The following SORBS2 variants were observed in gnomAD, a reference collection of about 807,000 sequenced individuals.
The protein encoded by SORBS2 is sorbin and SH3 domain containing 2.
Under a neutral mutation model 97.7 loss-of-function variants are expected in SORBS2, and 46 were observed. The observed-to-expected ratio is 0.47, with a 90% CI of 0.37 to 0.60. The LOEUF is 0.60. SORBS2 is among the 20% of genes least tolerant of loss of function. The pLI is 0.00. For synonymous variants in SORBS2, 476 were observed against 473.4 expected, an observed-to-expected ratio of 1.01 and a Z score of -0.07; for missense variants, 1,316 against 1,282.3, an observed-to-expected ratio of 1.03 and a Z score of -0.40.
At chr4:185,830,506 A>G (rs1311851723) in intron 1 of SORBS2, among the ~76,000 whole-genome samples, 2 of 152,212 alleles carry the variant, frequency 1.3e-5, no homozygotes, top group African/African-American at 2.4e-5. Context: ...AAGTAGGAGC[A>G]TATCTTTTGT....
rs375949904 is a variant in SORBS2 at position 185,595,303 on chromosome 4, T to C, written c.2797-1368A>G. On this transcript the variant is annotated intron_variant, in intron 12 of 14. Transcript: ENST00000418609. ...GCGTAAGAATTACTGCACACAATTATGACTTAAGAGTGAAATAGTTTACTC... is the reference window on the plus strand; with the variant it reads ...GCGTAAGAATTACTGCACACAATTACGACTTAAGAGTGAAATAGTTTACTC... Among the ~76,000 whole-genome samples the C allele has an allele frequency of 8.5e-5, 13 of 152,206 alleles. No individual in the cohort carries two copies. The East Asian group carries it at 9.6e-4, about 11-fold the overall frequency.
chr4:185,683,693 C>A (rs2097908309), intron 2 of SORBS2, among the ~76,000 whole-genome samples: 1 of 150,512 alleles, frequency 6.6e-6, no homozygotes, highest in South Asian at 2.1e-4. Context: ...ACTGAACTCA[C>A]TAGCCTGGCA....
In SORBS2 at chr4:185,863,358, A is replaced by C. The variant is rs60106965; in HGVS notation, c.-337-87992T>G. ...GATATTTTAATTCAGTTAGGGAGAC[A>C]GGTACATGGATGGATCATTACAGTA... On this transcript the variant is annotated intron_variant, in intron 1 of 20. Transcript: ENST00000284776. 8.7e-3 allele frequency among the ~76,000 whole-genome samples: 1,329 copies of C among 152,346 alleles called. 30 individuals are homozygous for C. The highest frequency in any genetic ancestry group is 0.03 in the African/African-American group (1,265 of 41,586).
chr4:185,740,779 A>G (rs1428381702), intron 2 of SORBS2, among the ~76,000 whole-genome samples: 1 of 151,490 alleles, frequency 6.6e-6, no homozygotes, highest in Non-Finnish European at 1.5e-5. Context: ...TCAGCCCAGC[A>G]CCAACTCAGC....
chr4:185,866,446 A>C (rs1444118884), intron 1 of SORBS2, among the ~76,000 whole-genome samples: 6 of 152,252 alleles, frequency 3.9e-5, no homozygotes, highest in Non-Finnish European at 5.9e-5. Flanking sequence ...ATACACTCAC[A>C]TGCATATTGC....
chr4:185,952,821 C>A (rs1201562407), intron 1 of SORBS2, among the ~76,000 whole-genome samples: 1 of 152,182 alleles, frequency 6.6e-6, no homozygotes, highest in Non-Finnish European at 1.5e-5. Context: ...TATTCCCCTT[C>A]AAACCAATAA....
intron 1 of SORBS2, among the ~76,000 whole-genome samples, chr4:185,838,354 G>T (rs1468199271): frequency 6.6e-6 from 1 of 152,232 alleles, no homozygotes; most frequent in Non-Finnish European, 1.5e-5. Context: ...GGGGGCTTGG[G>T]CAGGCCACCA....
intron 6 of SORBS2, among the ~76,000 whole-genome samples, chr4:185,625,997 G>C (rs1038024600): frequency 3.9e-5 from 6 of 152,212 alleles, no homozygotes; most frequent in African/African-American, 1.4e-4. Flanking sequence ...CAAGATATTA[G>C]AGGAGATTGT....
intron 1 of SORBS2, among the ~76,000 whole-genome samples, chr4:185,845,244 T>G (rs1579163817): frequency 6.6e-6 from 1 of 152,234 alleles, no homozygotes; most frequent in South Asian, 2.1e-4. Flanking sequence ...GGTCTCCAAC[T>G]TCCCGGCTCA....
chr4:185,883,856 A>T (rs115749349), intron 1 of SORBS2, among the ~76,000 whole-genome samples: 1 of 152,168 alleles, frequency 6.6e-6, no homozygotes, highest in South Asian at 2.1e-4. Context: ...TCTAAAAATA[A>T]TTTTTTTAAC....
chr4:185,945,252 A>T (rs1052172800), intron 1 of SORBS2, among the ~76,000 whole-genome samples: 3 of 152,238 alleles, frequency 2.0e-5, no homozygotes, highest in Admixed American at 2.0e-4. Context: ...CAAGTTGACC[A>T]TTTTGAGAAG....
intron 1 of SORBS2, among the ~76,000 whole-genome samples, chr4:185,857,015 G>T (rs1203557273): frequency 2.0e-5 from 3 of 152,120 alleles, no homozygotes; most frequent in African/African-American, 7.2e-5. Flanking sequence ...AACACATAGG[G>T]ATTATAATTC....
At chr4:185,753,093 C>T (rs1035215155) in intron 2 of SORBS2, among the ~76,000 whole-genome samples, 4 of 152,220 alleles carry the variant, frequency 2.6e-5, no homozygotes, top group Non-Finnish European at 5.9e-5. Context: ...TGCTACAGCA[C>T]GTTAGCCATA....
intron 1 of SORBS2, among the ~76,000 whole-genome samples, chr4:185,917,109 C>T (rs1313458982): frequency 6.6e-6 from 1 of 152,198 alleles, no homozygotes; most frequent in Admixed American, 6.5e-5. Context: ...GTTTGGGAAG[C>T]TTCTGGAGAG....
At chr4:185,937,869 C>T (rs1410529739) in intron 1 of SORBS2, among the ~76,000 whole-genome samples, 1 of 152,208 alleles carries the variant, frequency 6.6e-6, no homozygotes, top group Non-Finnish European at 1.5e-5. Flanking sequence ...GAGAATTACA[C>T]ATCTCTTCAG....
intron 1 of SORBS2, among the ~76,000 whole-genome samples, chr4:185,865,642 A>G (rs910094839): frequency 2.6e-5 from 4 of 152,244 alleles, no homozygotes; most frequent in African/African-American, 9.6e-5. Flanking sequence ...TCATCCACTC[A>G]GGACATTTTC....
At chr4:185,872,744 C>T (rs760587343) in intron 1 of SORBS2, among the ~76,000 whole-genome samples, 4 of 152,148 alleles carry the variant, frequency 2.6e-5, no homozygotes, top group Non-Finnish European at 4.4e-5. Flanking sequence ...GAGGGAGGAT[C>T]TTTTCTTCCT....
intron 1 of SORBS2, among the ~76,000 whole-genome samples, chr4:185,947,155 C>T (rs549381966): frequency 2.0e-4 from 31 of 152,314 alleles, no homozygotes; most frequent in South Asian, 4.2e-4. Context: ...CCATCCTCTC[C>T]CTACCCCTTA....
At chr4:185,931,657 G>A (rs1047776924) in intron 1 of SORBS2, among the ~76,000 whole-genome samples, 1 of 152,122 alleles carries the variant, frequency 6.6e-6, no homozygotes, top group African/African-American at 2.4e-5. Context: ...CCCAAGTGCA[G>A]GGGACTTTCA....
Sources: allele counts gnomAD v4.1 joint callset (sites outside exome capture counted in the v4.1 genomes callset), GRCh38; gene constraint gnomAD v4.1.1; transcripts MANE v1.5; gene names NCBI Gene and HGNC (gene_info 2026-07-23, HGNC 2026-07-21).